Variants in TG observed in about 807,000 individuals in gnomAD.
TG encodes the protein thyroglobulin, also known as thyroid hormones.
TG carries 270 observed loss-of-function variants against 324.7 expected under a neutral mutation model. The observed-to-expected ratio is 0.83, with a 90% CI of 0.75 to 0.92. TG has a LOEUF of 0.92. Ranked by LOEUF, TG falls within the 40% of genes least tolerant of loss-of-function variation. The pLI, the probability that TG is intolerant of heterozygous loss-of-function variation, is 0.00. For missense variants in TG, 3,591 were observed against 3,456.4 expected, an observed-to-expected ratio of 1.04 and a Z score of -0.98; for synonymous variants, 1,401 against 1,327.0, an observed-to-expected ratio of 1.06 and a Z score of -1.21.
chr8:133,006,130 A>G (rs1245397419), intron 35 of TG, among the ~76,000 whole-genome samples: 1 of 152,194 alleles, frequency 6.6e-6, no homozygotes, highest in Non-Finnish European at 1.5e-5. Flanking sequence ...TAACACAAAG[A>G]TCTTTAAAAT....
At position 133,059,114 on chromosome 8, in the gene TG, G is replaced by A. The variant is rs115006206; in HGVS notation, c.7239+29091G>A. The A allele has an allele frequency of 1.1e-3, 507 of 456,312 alleles. 5 individuals are homozygous for A. The highest frequency in any genetic ancestry group is 9.1e-3 in the African/African-American group (457 of 50,216). 28.3% of individuals were successfully genotyped at this position (456,312 alleles called of 1,614,324 possible). The stretch of plus-strand genomic sequence containing the variant: ...GTCCACTTCCCTGTCAGGCTCGGCA[G>A]ACAGGGCAGCCATCTGCGCCAGTGA... On this transcript the variant is annotated intron_variant, in intron 41 of 47. Coordinates refer to ENST00000220616, the MANE Select transcript of TG (RefSeq NM_003235.5).
intron 40 of TG, among the ~76,000 whole-genome samples, chr8:133,028,320 C>A (rs541075637): frequency 5.3e-5 from 8 of 152,146 alleles, no homozygotes; most frequent in African/African-American, 1.9e-4. Flanking sequence ...AAGTTCACAG[C>A]GAGGATCATG....
intron 41 of TG, among the ~76,000 whole-genome samples, chr8:133,030,749 G>A (rs910530991): frequency 6.6e-6 from 1 of 152,216 alleles, no homozygotes; most frequent in Non-Finnish European, 1.5e-5. Context: ...CCAAGCATAA[G>A]GGAAGGAGGG....
intron 41 of TG, among the ~76,000 whole-genome samples, chr8:133,058,332 G>T (rs534499390): frequency 7.2e-5 from 11 of 152,316 alleles, no homozygotes; most frequent in Admixed American, 7.2e-4. Context: ...CTCTTCACCA[G>T]GGGGTGGAGG....
chr8:133,066,017 G>T (rs1224743986), intron 41 of TG, among the ~76,000 whole-genome samples: 1 of 152,068 alleles, frequency 6.6e-6, no homozygotes, highest in Non-Finnish European at 1.5e-5. Flanking sequence ...GGTCAAAAGG[G>T]CAGGAGTGAA....
intron 35 of TG, chr8:133,001,898 A>G: frequency 1.0e-5 from 10 of 985,464 alleles, no homozygotes; most frequent in Non-Finnish European, 1.2e-5. Flanking sequence ...CAGCTATTCC[A>G]TATTCAGGAG....
intron 37 of TG, among the ~76,000 whole-genome samples, chr8:133,017,469 T>C (rs1280015493): frequency 6.6e-6 from 1 of 152,148 alleles, no homozygotes; most frequent in African/African-American, 2.4e-5. Flanking sequence ...GCTTCTCTGT[T>C]CTTTCAAAAG....
At chr8:133,027,193 G>A (rs993546719) in intron 40 of TG, among the ~76,000 whole-genome samples, 2 of 152,212 alleles carry the variant, frequency 1.3e-5, no homozygotes, top group African/African-American at 4.8e-5. Context: ...TGAAGAGATC[G>A]AATGAGCAAA....
chr8:132,877,976 A>T (rs1322953205), intron 5 of TG, among the ~76,000 whole-genome samples: 1 of 152,154 alleles, frequency 6.6e-6, no homozygotes, highest in East Asian at 1.9e-4. Context: ...AATTAGAGGG[A>T]ATCATGAGGA....
At chr8:133,052,321 T>C (rs1480478030) in intron 41 of TG, among the ~76,000 whole-genome samples, 1 of 152,234 alleles carries the variant, frequency 6.6e-6, no homozygotes, top group Non-Finnish European at 1.5e-5. Context: ...TCAAATGTAT[T>C]GTTCATTTGG....
At chr8:132,957,216 G>C (rs1180676934) in intron 27 of TG, among the ~76,000 whole-genome samples, 1 of 152,164 alleles carries the variant, frequency 6.6e-6, no homozygotes, top group Non-Finnish European at 1.5e-5. Context: ...CTGGTCAGGT[G>C]ACTTTCTGGA....
intron 27 of TG, among the ~76,000 whole-genome samples, chr8:132,953,621 C>G (rs1202347202): frequency 6.6e-6 from 1 of 152,224 alleles, no homozygotes; most frequent in African/African-American, 2.4e-5. Flanking sequence ...AACAACTAAT[C>G]CCACGAAACA....
intron 26 of TG, among the ~76,000 whole-genome samples, chr8:132,946,501 AT>A (rs1261090343): frequency 6.6e-6 from 1 of 152,140 alleles, no homozygotes. Flanking sequence ...ACTTATGAAG[AT>A]TTGGCTGGAT....
chr8:133,040,796 G>A (rs1226322023), intron 41 of TG, among the ~76,000 whole-genome samples: 5 of 152,076 alleles, frequency 3.3e-5, no homozygotes, highest in Non-Finnish European at 7.4e-5. Flanking sequence ...ACACAGGAAG[G>A]GAGGGAAGAG....
intron 47 of TG, among the ~76,000 whole-genome samples, chr8:133,134,086 G>A (rs991008137): frequency 1.3e-5 from 2 of 152,240 alleles, no homozygotes; most frequent in Non-Finnish European, 2.9e-5. Context: ...ACCTCTTCCT[G>A]TTGCAGAGGT....
At chr8:132,951,985 C>G (rs187346542) in intron 27 of TG, among the ~76,000 whole-genome samples, 2 of 152,222 alleles carry the variant, frequency 1.3e-5, no homozygotes, top group Non-Finnish European at 2.9e-5. Flanking sequence ...ATAGGGGGTG[C>G]TAGGGACAAT....
intron 8 of TG, among the ~76,000 whole-genome samples, chr8:132,883,415 T>C (rs1418742373): frequency 6.6e-6 from 1 of 151,970 alleles, no homozygotes; most frequent in Non-Finnish European, 1.5e-5. Context: ...AGATGTTTCC[T>C]GAAGGAGAGG....
At chr8:133,102,060 T>G (rs1849325110) in intron 43 of TG, among the ~76,000 whole-genome samples, 2 of 152,246 alleles carry the variant, frequency 1.3e-5, no homozygotes. Context: ...CAACAATATC[T>G]GGAAAATAGT....
intron 26 of TG, among the ~76,000 whole-genome samples, chr8:132,945,429 G>A (rs2739074): frequency 0.52 from 78,897 of 151,884 alleles, 21,895 homozygotes; most frequent in Non-Finnish European, 0.61. Context: ...CCAATTTGGC[G>A]ATGGGAGAGG....
Sources: allele counts gnomAD v4.1 joint callset (sites outside exome capture counted in the v4.1 genomes callset), GRCh38; gene constraint gnomAD v4.1.1; transcripts MANE v1.5; gene names NCBI Gene and HGNC (gene_info 2026-07-23, HGNC 2026-07-21).